The following BRINP3 variants were observed in gnomAD, a reference collection of about 807,000 sequenced individuals.
BRINP3 encodes BMP/retinoic acid-inducible neural-specific protein 3.
BRINP3 carries 19 observed loss-of-function variants against 71.0 expected under a neutral mutation model. The observed-to-expected ratio is 0.27, with a 90% CI of 0.19 to 0.39. The LOEUF is 0.39. Among genes scored for constraint, BRINP3 ranks in the 10% least tolerant of loss-of-function variants. BRINP3 has a pLI of 1.00. For synonymous variants in BRINP3, 380 were observed against 337.7 expected, an observed-to-expected ratio of 1.13 and a Z score of -1.37; for missense variants, 959 against 940.8, an observed-to-expected ratio of 1.02 and a Z score of -0.25.
At chr1:190,294,141 T>G (rs1326928112) in intron 2 of BRINP3, among the ~76,000 whole-genome samples, 3 of 152,272 alleles carry the variant, frequency 2.0e-5, no homozygotes, top group East Asian at 3.9e-4. Flanking sequence ...AGTTATTTCC[T>G]CTGGTGGTAT....
At chr1:190,150,528 AT>A in intron 7 of BRINP3, among the ~76,000 whole-genome samples, 1 of 152,334 alleles carries the variant, frequency 6.6e-6, no homozygotes. Flanking sequence ...CAGAAATGAT[AT>A]CATTTGTAAG....
At position 190,405,476 on chromosome 1, in the gene BRINP3, A is replaced by C. The variant is rs1558256903; in HGVS notation, c.236+49179T>G. On this transcript the variant is annotated intron_variant, in intron 2 of 7. Coordinates refer to ENST00000367462, the MANE Select transcript of BRINP3 (RefSeq NM_199051.3). ...AAAAAAAAAAAAAAAAAAAAAAAAA[A>C]AAAAAAAAAAAAAAAACCAGAATCA... is the stretch of plus-strand genomic sequence containing the variant. Among the ~76,000 whole-genome samples, 7 of 94,148 alleles carry C rather than the reference A, an allele frequency of 7.4e-5. 1 individual carries two copies. Among genetic ancestry groups the C allele is most frequent in the African/African-American group, 3.5e-4 (7 of 19,978 alleles). The allele number at this position is 94,148 out of a possible 152,430, so 61.8% of individuals were successfully genotyped here.
chr1:190,287,871 C>A (rs1207257532), intron 2 of BRINP3, among the ~76,000 whole-genome samples: 1 of 128,342 alleles, frequency 7.8e-6, no homozygotes, highest in East Asian at 2.2e-4. Flanking sequence ...TTTGAAATTA[C>A]TGAAAATAAT....
chr1:190,396,712 T>TTATATATATATATATATATA (rs1558249085), intron 2 of BRINP3, among the ~76,000 whole-genome samples: 50 of 38,302 alleles, frequency 1.3e-3, no homozygotes, highest in African/African-American at 4.3e-3. Context: ...CCTAATTTAA[T>TTATATATATATATATATATA]GATATATATA....
intron 2 of BRINP3, among the ~76,000 whole-genome samples, chr1:190,349,558 C>T (rs1668238361): frequency 6.6e-6 from 1 of 152,022 alleles, no homozygotes; most frequent in African/African-American, 2.4e-5. Context: ...AGATTGTAGG[C>T]ATATAGAAGC....
intron 7 of BRINP3, among the ~76,000 whole-genome samples, chr1:190,101,733 C>A (rs1278759852): frequency 2.0e-5 from 3 of 152,116 alleles, no homozygotes; most frequent in Non-Finnish European, 2.9e-5. Flanking sequence ...TGAGCCAACT[C>A]ATCTCCCACT....
intron 7 of BRINP3, among the ~76,000 whole-genome samples, chr1:190,109,682 A>G (rs1652500002): frequency 6.6e-6 from 1 of 152,236 alleles, no homozygotes; most frequent in Admixed American, 6.5e-5. Context: ...GAGGATCTGG[A>G]TGGAACAAAA....
intron 7 of BRINP3, among the ~76,000 whole-genome samples, chr1:190,129,877 A>C (rs1462267412): frequency 6.6e-6 from 1 of 152,022 alleles, no homozygotes; most frequent in Admixed American, 6.6e-5. Context: ...ATTTTACAAG[A>C]ACATGGTGAA....
chr1:190,433,389 C>A (rs1375470398), intron 2 of BRINP3, among the ~76,000 whole-genome samples: 2 of 152,164 alleles, frequency 1.3e-5, no homozygotes, highest in African/African-American at 4.8e-5. Context: ...TTCTTATTAA[C>A]CTCATCTAAG....
intron 2 of BRINP3, among the ~76,000 whole-genome samples, chr1:190,289,458 G>C (rs1053674445): frequency 6.6e-6 from 1 of 151,746 alleles, no homozygotes; most frequent in South Asian, 2.1e-4. Context: ...ACTGAATATG[G>C]TACTTTGTGA....
At chr1:190,451,008 T>C (rs1169786243) in intron 2 of BRINP3, among the ~76,000 whole-genome samples, 1 of 152,150 alleles carries the variant, frequency 6.6e-6, no homozygotes, top group Non-Finnish European at 1.5e-5. Flanking sequence ...AACATTCACC[T>C]CAATTGTCTC....
intron 7 of BRINP3, among the ~76,000 whole-genome samples, chr1:190,148,487 T>C (rs909922105): frequency 6.6e-6 from 1 of 151,410 alleles, no homozygotes; most frequent in Non-Finnish European, 1.5e-5. Flanking sequence ...TCCCAGCTAC[T>C]AGAGAGGCTG....
chr1:190,184,977 C>T (rs1558044105), intron 6 of BRINP3, among the ~76,000 whole-genome samples: 1 of 152,126 alleles, frequency 6.6e-6, no homozygotes, highest in Non-Finnish European at 1.5e-5. Context: ...GGATTAAAGA[C>T]TTAAGTCCTG....
chr1:190,442,156 T>C (rs537411455), intron 2 of BRINP3, among the ~76,000 whole-genome samples: 37 of 152,344 alleles, frequency 2.4e-4, no homozygotes, highest in African/African-American at 8.7e-4. Context: ...GTGTTAAACT[T>C]ACTGTTGTAT....
At chr1:190,465,581 T>C (rs1190697999) in intron 1 of BRINP3, among the ~76,000 whole-genome samples, 1 of 151,984 alleles carries the variant, frequency 6.6e-6, no homozygotes, top group Non-Finnish European at 1.5e-5. Flanking sequence ...GCAAGAATCC[T>C]GTTAGATCAG....
intron 2 of BRINP3, among the ~76,000 whole-genome samples, chr1:190,351,148 G>A (rs955107927): frequency 7.2e-5 from 11 of 151,996 alleles, no homozygotes; most frequent in African/African-American, 1.4e-4. Flanking sequence ...CTACATCTAC[G>A]AAGTAGACAA....
intron 7 of BRINP3, among the ~76,000 whole-genome samples, chr1:190,110,536 A>G (rs779757056): frequency 2.0e-5 from 3 of 152,172 alleles, no homozygotes; most frequent in Admixed American, 1.3e-4. Flanking sequence ...ATGATATTTT[A>G]TAGTTTCTCT....
chr1:190,416,562 T>C (rs1673015197), intron 2 of BRINP3, among the ~76,000 whole-genome samples: 1 of 152,196 alleles, frequency 6.6e-6, no homozygotes, highest in Non-Finnish European at 1.5e-5. Context: ...AAGGCTTTTA[T>C]AGTGTAGTAG....
chr1:190,393,295 C>T (rs1671367432), intron 2 of BRINP3, among the ~76,000 whole-genome samples: 2 of 151,482 alleles, frequency 1.3e-5, no homozygotes, highest in South Asian at 2.1e-4. Context: ...TTCTTAAGAT[C>T]GTGAGAGGAA....
Sources: allele counts gnomAD v4.1 joint callset (sites outside exome capture counted in the v4.1 genomes callset), GRCh38; gene constraint gnomAD v4.1.1; transcripts MANE v1.5; gene names NCBI Gene and HGNC (gene_info 2026-07-23, HGNC 2026-07-21).